L3MBTL3: variants seen among roughly 807,000 people sequenced by gnomAD.
L3MBTL3 encodes the protein lethal(3)malignant brain tumor-like protein 3.
Under a neutral mutation model 102.3 loss-of-function variants are expected in L3MBTL3, and 27 were observed. That is an observed-to-expected ratio of 0.26 (90% confidence interval 0.19 to 0.36). The LOEUF (loss-of-function observed/expected upper bound fraction) is 0.36, where lower values mean the gene tolerates loss of function less well. Ranked by LOEUF, L3MBTL3 falls within the 10% of genes least tolerant of loss-of-function variation. The pLI, the probability that L3MBTL3 is intolerant of heterozygous loss-of-function variation, is 1.00. For synonymous variants in L3MBTL3, 340 were observed against 320.9 expected, an observed-to-expected ratio of 1.06 and a Z score of -0.64; for missense variants, 798 against 955.3, an observed-to-expected ratio of 0.84 and a Z score of 2.17.
intron 22 of L3MBTL3, among the ~76,000 whole-genome samples, 165 bp downstream of exon 22, chr6:130,134,070 A>G (rs1040870635): frequency 8.5e-5 from 13 of 152,192 alleles, no homozygotes; most frequent in African/African-American, 1.7e-4. Context: ...TTGTATAAAA[A>G]TGTCTTTGTA....
At chr6:130,053,729 T>G (rs1163011048) in intron 7 of L3MBTL3, among the ~76,000 whole-genome samples, 3 of 152,186 alleles carry the variant, frequency 2.0e-5, no homozygotes, top group Non-Finnish European at 4.4e-5. Context: ...ATGTGTGAAT[T>G]AAAACATAAA....
At chr6:130,045,550 T>C (rs1780677881) in intron 3 of L3MBTL3, among the ~76,000 whole-genome samples, 1 of 152,236 alleles carries the variant, frequency 6.6e-6, no homozygotes, top group Admixed American at 6.5e-5. Context: ...TTCACTTGTT[T>C]AGGTCAGTTA....
At chr6:130,111,730 T>G (rs758935764) in intron 19 of L3MBTL3, among the ~76,000 whole-genome samples, 8 of 152,196 alleles carry the variant, frequency 5.3e-5, no homozygotes, top group Admixed American at 3.3e-4. Flanking sequence ...TGGCTTCATA[T>G]CAGATCCCCT....
At chr6:130,082,014 T>TA (rs1783391142) in intron 14 of L3MBTL3, among the ~76,000 whole-genome samples, 1 of 152,208 alleles carries the variant, frequency 6.6e-6, no homozygotes, top group Admixed American at 6.5e-5. Context: ...CTCATGATCA[T>TA]ACGAAGACTG....
intron 2 of L3MBTL3, among the ~76,000 whole-genome samples, chr6:130,028,571 T>C (rs539836743): frequency 2.6e-5 from 4 of 152,172 alleles, no homozygotes; most frequent in Non-Finnish European, 4.4e-5. Flanking sequence ...CTTAGGTCCT[T>C]AGGACAGATT....
chr6:130,019,938 C>T (rs1207884065), intron 1 of L3MBTL3, among the ~76,000 whole-genome samples: 1 of 134,146 alleles, frequency 7.5e-6, no homozygotes, highest in Non-Finnish European at 1.6e-5. Flanking sequence ...CGCGCCGCGC[C>T]GGCCCGGGTG....
intron 15 of L3MBTL3, among the ~76,000 whole-genome samples, chr6:130,083,924 G>T (rs1169552436): frequency 6.6e-6 from 1 of 151,918 alleles, no homozygotes; most frequent in Admixed American, 6.6e-5. Flanking sequence ...GGACTTTAAA[G>T]TCTCCTTGGA....
Position 130,055,259 on chromosome 6 carries a change from A to G in L3MBTL3, c.667+4A>G. 6.2e-7 allele frequency: 1 copy of G among 1,606,092 alleles called. No individual in the cohort carries two copies. The highest frequency in any genetic ancestry group is 8.5e-7 in the Non-Finnish European group (1 of 1,176,198). On this transcript the variant is annotated splice_donor_region_variant and intron_variant, in intron 8 of 22. Coordinates refer to ENST00000361794, the MANE Select transcript of L3MBTL3 (RefSeq NM_032438.4). The stretch of plus-strand genomic sequence containing the variant: ...GATTCGGCTGTACTAAAGCAGGGTG[A>G]GCTGATGAAAATAAAGTCTTACTTG...
chr6:130,080,919 GTTTTC>G (rs1261353396), intron 14 of L3MBTL3, among the ~76,000 whole-genome samples: 1 of 152,152 alleles, frequency 6.6e-6, no homozygotes, highest in African/African-American at 2.4e-5. Flanking sequence ...TCTCTGATCT[GTTTTC>G]TCTAAGGGCA....
At chr6:130,078,709 G>A (rs557596390) in intron 14 of L3MBTL3, 75 bp downstream of exon 14, 1 of 984,368 alleles carries the variant, frequency 1.0e-6, no homozygotes, top group Non-Finnish European at 1.6e-6. Flanking sequence ...TAAAGGGCCA[G>A]ATAGTAAATA....
chr6:130,091,233 C>T (rs1784026210), intron 16 of L3MBTL3, among the ~76,000 whole-genome samples: 1 of 152,078 alleles, frequency 6.6e-6, no homozygotes, highest in South Asian at 2.1e-4. Context: ...ACATTCTTCT[C>T]GAATGTTTAT....
At chr6:130,057,760 A>G (rs1269510790) in intron 9 of L3MBTL3, among the ~76,000 whole-genome samples, 1 of 152,212 alleles carries the variant, frequency 6.6e-6, no homozygotes, top group East Asian at 1.9e-4. Flanking sequence ...ATGAATTTTA[A>G]CAGAGATACC....
chr6:130,056,245 C>A (rs913640976), intron 8 of L3MBTL3, among the ~76,000 whole-genome samples: 1 of 151,960 alleles, frequency 6.6e-6, no homozygotes, highest in African/African-American at 2.4e-5. Context: ...TTGTTTGTTT[C>A]ATTGTTCCTC....
chr6:130,025,902 C>T (rs1047365840), intron 2 of L3MBTL3, among the ~76,000 whole-genome samples: 1 of 152,050 alleles, frequency 6.6e-6, no homozygotes, highest in South Asian at 2.1e-4. Flanking sequence ...ACAAAGACAT[C>T]GAGCATCAAT....
intron 12 of L3MBTL3, among the ~76,000 whole-genome samples, chr6:130,070,209 GAGAT>G (rs1396903873): frequency 5.3e-5 from 8 of 152,128 alleles, no homozygotes; most frequent in Non-Finnish European, 2.9e-5. Context: ...ATAATATGTA[GAGAT>G]AGATAGATTA....
intron 13 of L3MBTL3, among the ~76,000 whole-genome samples, chr6:130,077,827 C>T (rs1422469553): frequency 6.6e-6 from 1 of 152,160 alleles, no homozygotes; most frequent in East Asian, 1.9e-4. Context: ...TGACTGGACT[C>T]CTTGGCATCT....
chr6:130,094,428 A>C, intron 18 of L3MBTL3, 61 bp downstream of exon 18: 1 of 1,025,302 alleles, frequency 9.8e-7, no homozygotes, highest in Non-Finnish European at 1.5e-6. Flanking sequence ...TGTATATATA[A>C]TGAATTTCAT....
intron 9 of L3MBTL3, among the ~76,000 whole-genome samples, chr6:130,058,000 G>A (rs374589627): frequency 5.3e-5 from 8 of 151,370 alleles, no homozygotes; most frequent in African/African-American, 1.5e-4. Flanking sequence ...AAAATTAGCC[G>A]GGCGCGGTGG....
intron 10 of L3MBTL3, among the ~76,000 whole-genome samples, chr6:130,062,555 A>AT (rs1175015608): frequency 0.48 from 59,239 of 124,184 alleles, 15,557 homozygotes; most frequent in East Asian, 0.67. Context: ...GCCCAGCTAA[A>AT]TTTTTTTTTT....
Sources: gnomAD v4.1 joint callset for allele counts (sites outside exome capture counted in the v4.1 genomes callset) on GRCh38, gnomAD v4.1.1 for gene constraint, MANE v1.5 for transcripts, NCBI Gene and HGNC (gene_info 2026-07-23, HGNC 2026-07-21) for gene names.